Variants in SRPK3 observed in about 807,000 individuals in gnomAD.
SRPK3 encodes the protein SFRS protein kinase 3.
SRPK3 carries 26 observed loss-of-function variants against 45.3 expected under a neutral mutation model. The ratio of observed to expected loss-of-function variants is 0.57; its 90% CI spans 0.42 to 0.80. SRPK3 has a LOEUF of 0.80. Among genes scored for constraint, SRPK3 ranks in the 30% least tolerant of loss-of-function variants. The pLI, the probability that SRPK3 is intolerant of heterozygous loss-of-function variation, is 0.00. For missense variants in SRPK3, 536 were observed against 514.5 expected, an observed-to-expected ratio of 1.04 and a Z score of -0.40; for synonymous variants, 254 against 226.6, an observed-to-expected ratio of 1.12 and a Z score of -1.09.
chrX:153,785,609 A>C lies in SRPK3; in HGVS notation c.*89A>C. 9.2e-7 allele frequency: 1 copy of C among 1,085,663 alleles called. No individual in the cohort carries two copies. 89.5% of individuals were successfully genotyped at this position (1,085,663 alleles called of 1,213,427 possible). On this transcript the variant is annotated 3_prime_UTR_variant, in exon 15 of 15. Transcript: ENST00000370101. Reference sequence around the variant, plus strand: ...ACCCTGCTGGGCGCCAGTTCTCCACAACCACAGGGCAGAGAGACGCTGGAG... The same window carrying C: ...ACCCTGCTGGGCGCCAGTTCTCCACCACCACAGGGCAGAGAGACGCTGGAG...
At chrX:153,783,638 T>C (rs1191294972) in intron 8 of SRPK3, 114 bp from the exon 9 acceptor site, 4 of 1,120,418 alleles carry the variant, frequency 3.6e-6, no homozygotes, top group Non-Finnish European at 3.6e-6. Context: ...CTGGTGTCCA[T>C]GGGAGCCCTG....
chrX:153,785,292 C>T lies in SRPK3; in HGVS notation c.1520-44C>T. 4 of 1,192,222 alleles carry T rather than the reference C, an allele frequency of 3.4e-6. 1 individual carries two copies. In the Admixed American group the frequency reaches 6.7e-5, roughly 20 times the overall value. On this transcript the variant is annotated intron_variant, in intron 14 of 14. Transcript: ENST00000370101. ...GCCAGGGCCTAAGCAGAAGGCAGGT[C>T]CAGAGACAGGGACAGAGCCTGACGC... is the stretch of plus-strand genomic sequence containing the variant.
At chrX:153,782,243 G>A in intron 5 of SRPK3, 35 bp downstream of exon 5, 1 of 1,144,543 alleles carries the variant, frequency 8.7e-7, no homozygotes, top group Non-Finnish European at 1.2e-6. Context: ...CAGTGTGGCA[G>A]CCAAGGGCCG....
Position 153,785,331 on chromosome X carries a change from C to A in SRPK3, c.1520-5C>A. ...AGAGCCTGACGCCCGCTGGCCTGCC[C>A]GCAGGAGAGCTGCGGCACATCCACA... On this transcript the variant is annotated splice_polypyrimidine_tract_variant and splice_region_variant and intron_variant, in intron 14 of 14. Transcript: ENST00000370101. The A allele has an allele frequency of 1.2e-5, 15 of 1,203,081 alleles. No homozygotes were observed. Among genetic ancestry groups the A allele is most frequent in the Non-Finnish European group, 1.7e-5 (15 of 888,921 alleles).
At position 153,783,790 on chromosome X, in the gene SRPK3, G is replaced by A. The variant is rs1175746484; in HGVS notation, c.813G>A (p.Met271Ile). Residue 271 changes from methionine (M) to isoleucine (I), a missense_variant, in exon 9 of 15, where the codon ATG (methionine) becomes ATA (isoleucine). Coordinates refer to ENST00000370101, the MANE Select transcript of SRPK3 (RefSeq NM_014370.4). ...GKLSKNKRKK[M>I]RRKRKQQKRL... is the part of the protein sequence containing the mutation. ...TGTCCAAAAACAAGAGGAAGAAGATGAGGCGCAAACGGAAACAGCAGAAGC... is the reference window on the plus strand; with the variant it reads ...TGTCCAAAAACAAGAGGAAGAAGATAAGGCGCAAACGGAAACAGCAGAAGC... 8.3e-7 allele frequency: 1 copy of A among 1,210,485 alleles called. No individual in the cohort carries two copies. Among genetic ancestry groups the A allele is most frequent in the Non-Finnish European group, 1.1e-6 (1 of 895,234 alleles).
Position 153,783,078 on chromosome X carries a change from G to A in SRPK3, c.708G>A (p.Glu236=), listed in dbSNP as rs782084667. 4 of 1,167,616 alleles carry A rather than the reference G, an allele frequency of 3.4e-6. No individual in the cohort carries two copies. Among genetic ancestry groups the A allele is most frequent in the East Asian group, 3.0e-5 (1 of 33,300 alleles). ...YIRRLAAEAT[E]WQQAGAPPPS... ...GGCGCCTGGCTGCCGAGGCCACGGA[G>A]TGGCAACAGGCAGGGGCGCCGCCCC... Residue 236 remains glutamate (E), a synonymous_variant, in exon 7 of 15, where the codon GAG becomes GAA. Coordinates refer to ENST00000370101, the MANE Select transcript of SRPK3 (RefSeq NM_014370.4).
At position 153,781,360 on chromosome X, in the gene SRPK3, T is replaced by C. The variant is rs2092050712; in HGVS notation, c.190+14T>C. ...ACTACTGCAAGGGTGAGACTTGGCC[T>C]TGGGGACATGCGGCCTCACGGCCAC... On this transcript the variant is annotated intron_variant, in intron 2 of 14. Transcript: ENST00000370101. 8.5e-7 allele frequency: 1 copy of C among 1,182,056 alleles called. No individual in the cohort carries two copies. The highest frequency in any genetic ancestry group is 1.1e-6 in the Non-Finnish European group (1 of 879,229).
At position 153,781,833 on chromosome X, in the gene SRPK3, G is replaced by C; in HGVS notation, c.387+3G>C. 8.3e-7 allele frequency: 1 copy of C among 1,210,700 alleles called. No homozygotes were observed. Among genetic ancestry groups the C allele is most frequent in the Non-Finnish European group, 1.1e-6 (1 of 894,888 alleles). ...ATGAGATCAAGCTCCTGAAATGTGT[G>C]AGGCACCTCCCTACCCCACTCCCAG... On this transcript the variant is annotated splice_donor_region_variant and intron_variant, in intron 4 of 14. Transcript: ENST00000370101.
At chrX:153,781,451 G>T in intron 2 of SRPK3, 54 bp from the exon 3 acceptor site, 1 of 1,183,005 alleles carries the variant, frequency 8.5e-7, no homozygotes, top group East Asian at 3.0e-5. Flanking sequence ...AGGTGTTCGG[G>T]GGCCCAGGGG....
intron 11 of SRPK3, 42 bp from the exon 12 acceptor site, chrX:153,784,708 G>GTCCCC (rs201253610): frequency 0.15 from 181,304 of 1,194,877 alleles, 10,025 homozygotes; most frequent in Middle Eastern, 0.24. Context: ...GGGCAGGACA[G>GTCCCC]CCTTGGCCCC....
Position 153,785,143 on chromosome X carries a change from C to CGCT in SRPK3, c.1490_1492dup (p.Arg497_Tyr498insCys). The stretch of plus-strand genomic sequence containing the variant: ...CCCCCCAGCCTTCGCCCTCTCAGGC[C>CGCT]GCTATTCCCGGGAGTTCTTCAACCG... On this transcript the variant is annotated inframe_insertion, in exon 14 of 15. Coordinates refer to ENST00000370101, the MANE Select transcript of SRPK3 (RefSeq NM_014370.4). 1 of 1,210,422 alleles carries CGCT rather than the reference C, an allele frequency of 8.3e-7. No individual in the cohort carries two copies. The highest frequency in any genetic ancestry group is 1.1e-6 in the Non-Finnish European group (1 of 895,164).
chrX:153,781,191 C>T (rs1206149457), intron 1 of SRPK3, 25 bp from the exon 2 acceptor site: 11 of 1,199,576 alleles, frequency 9.2e-6, no homozygotes, highest in African/African-American at 1.8e-5. Context: ...TCTCTCATGC[C>T]CACTGCCACT....
intron 4 of SRPK3, 133 bp from the exon 5 acceptor site, chrX:153,781,988 G>A: frequency 1.1e-6 from 1 of 877,497 alleles, no homozygotes. Context: ...TGGAGGAACA[G>A]GCGAGGGACA....
rs140847464 is a variant in SRPK3 at position 153,785,466 on chromosome X, C to T, written c.1650C>T (p.Pro550=). The change falls in exon 15 of 15, where the codon CCC becomes CCT. Residue 550 remains proline (P), a synonymous_variant. Transcript: ENST00000370101. ...AFLLPMMEYI[P]EKRASAADCL... ...TGCTGCCCATGATGGAGTACATCCC[C>T]GAAAAGCGGGCCAGTGCCGCTGACT... 130 of 1,209,751 alleles carry T rather than the reference C, an allele frequency of 1.1e-4. No individual in the cohort carries two copies. In the African/African-American group the frequency reaches 1.7e-3, roughly 16 times the overall value.
At position 153,781,331 on chromosome X, in the gene SRPK3, A is replaced by C; in HGVS notation, c.175A>C (p.Lys59Gln). Residue 59 changes from lysine (K) to glutamine (Q), a missense_variant, in exon 2 of 15, where the codon AAA becomes CAA. Coordinates refer to ENST00000370101, the MANE Select transcript of SRPK3 (RefSeq NM_014370.4). ...CGACGACGAGGAACAGGAAGACCCC[A>C]AAGACTACTGCAAGGGTGAGACTTG... ...GSDDEEQEDPKDYCKGGYHPV... is the reference protein window; with the variant it reads ...GSDDEEQEDPQDYCKGGYHPV... 8.3e-7 allele frequency: 1 copy of C among 1,200,150 alleles called. No homozygotes were observed. The highest frequency in any genetic ancestry group is 1.1e-6 in the Non-Finnish European group (1 of 889,226).
intron 5 of SRPK3, among the ~76,000 whole-genome samples, 195 bp downstream of exon 5, chrX:153,782,403 A>G (rs1160906357): frequency 8.9e-6 from 1 of 112,826 alleles, no homozygotes; most frequent in Non-Finnish European, 1.9e-5. Flanking sequence ...TTGATTGTCC[A>G]TGGACGTTGC....
chrX:153,785,451 G>A lies in SRPK3; in HGVS notation c.1635G>A (p.Met545Ile), dbSNP rs782674151. The change falls in exon 15 of 15, where the codon ATG (methionine) becomes ATA (isoleucine). Residue 545 changes from methionine to isoleucine, a missense_variant. Physicochemically the swap from Met to Ile is conservative, Grantham distance 10. Coordinates refer to ENST00000370101, the MANE Select transcript of SRPK3 (RefSeq NM_014370.4). ...AGTTCAGCGCCTTTCTGCTGCCCAT[G>A]ATGGAGTACATCCCCGAAAAGCGGG... is the stretch of plus-strand genomic sequence containing the variant. ...ATQFSAFLLP[M>I]MEYIPEKRAS... The A allele has an allele frequency of 1.7e-6, 2 of 1,211,304 alleles. No individual in the cohort carries two copies. Among genetic ancestry groups the A allele is most frequent in the Admixed American group, 4.3e-5 (2 of 46,149 alleles).
rs2092057344 is a variant in SRPK3 at position 153,782,353 on chromosome X, C to CG, written c.475+145_475+146insG. On this transcript the variant is annotated intron_variant, in intron 5 of 14. Transcript: ENST00000370101. ...GGAGCCTCTGGCACGACCCCGCCCC[C>CG]AGGTAACTGTGTTTACGTGGAGGCA... is the stretch of plus-strand genomic sequence containing the variant. The CG allele has an allele frequency of 8.1e-6, 4 of 495,376 alleles. No homozygotes were observed. In the Admixed American group the frequency reaches 1.0e-4, roughly 13 times the overall value. The allele number at this position is 495,376 out of a possible 1,213,427, so 40.8% of individuals were successfully genotyped here.
chrX:153,785,447 C>A lies in SRPK3; in HGVS notation c.1631C>A (p.Pro544His), dbSNP rs782559405. 1 of 1,211,328 alleles carries A rather than the reference C, an allele frequency of 8.3e-7. No individual in the cohort carries two copies. Among genetic ancestry groups the A allele is most frequent in the Non-Finnish European group, 1.1e-6 (1 of 895,489 alleles). The change falls in exon 15 of 15, where the codon CCC becomes CAC. Residue 544 changes from proline to histidine, a missense_variant. Coordinates refer to ENST00000370101, the MANE Select transcript of SRPK3 (RefSeq NM_014370.4). Reference sequence around the variant, plus strand: ...ACACAGTTCAGCGCCTTTCTGCTGCCCATGATGGAGTACATCCCCGAAAAG... The same window carrying A: ...ACACAGTTCAGCGCCTTTCTGCTGCACATGATGGAGTACATCCCCGAAAAG... ...QATQFSAFLL[P>H]MMEYIPEKRA... is the part of the protein sequence containing the mutation.
Sources: allele counts gnomAD v4.1 joint callset (sites outside exome capture counted in the v4.1 genomes callset), GRCh38; gene constraint gnomAD v4.1.1; transcripts MANE v1.5; gene names NCBI Gene and HGNC (gene_info 2026-07-23, HGNC 2026-07-21).